The following CFAP20 variants were observed in gnomAD, a reference collection of about 807,000 sequenced individuals.
The protein encoded by CFAP20 is cilia- and flagella-associated protein 20.
In CFAP20, 14 loss-of-function variants were observed where a neutral mutation model predicts 25.5. The ratio of observed to expected loss-of-function variants is 0.55; its 90% CI spans 0.36 to 0.86. The LOEUF is 0.86. CFAP20 is among the 40% of genes least tolerant of loss of function. CFAP20 has a pLI of 0.01. For synonymous variants in CFAP20, 75 were observed against 91.1 expected (o/e 0.82, Z 1.01); for missense variants, 181 against 248.0 (o/e 0.73, Z 1.81).
intron 1 of CFAP20, 51 bp downstream of exon 1, chr16:58,128,981 A>C: frequency 6.6e-7 from 1 of 1,516,714 alleles, no homozygotes; most frequent in Non-Finnish European, 9.1e-7. Flanking sequence ...CCCCCGGACG[A>C]GGAGGGGGTG....
chr16:58,114,563 G>A (rs998733994), intron 5 of CFAP20, among the ~76,000 whole-genome samples: 3 of 151,140 alleles, frequency 2.0e-5, no homozygotes, highest in Non-Finnish European at 2.9e-5. Flanking sequence ...CTGAAGTTCT[G>A]TGAGCCAGTA....
chr16:58,114,583 G>A (rs1960431257), intron 5 of CFAP20, among the ~76,000 whole-genome samples: 1 of 152,006 alleles, frequency 6.6e-6, no homozygotes, highest in Non-Finnish European at 1.5e-5. Context: ...AGTAGGAAGT[G>A]CCTCATCCCC....
intron 1 of CFAP20, among the ~76,000 whole-genome samples, chr16:58,123,371 C>T (rs1342726277): frequency 1.4e-5 from 2 of 147,034 alleles, no homozygotes; most frequent in Non-Finnish European, 3.0e-5. Context: ...CCAAGGCAGG[C>T]GGATCACGAG....
At chr16:58,128,944 T>A (rs1287006481) in intron 1 of CFAP20, 88 bp downstream of exon 1, 2 of 1,296,222 alleles carry the variant, frequency 1.5e-6, no homozygotes, top group Non-Finnish European at 2.1e-6. Context: ...CAGGCCCCAA[T>A]TCGACACAAC....
Position 58,113,888 on chromosome 16 carries a change from A to G in CFAP20, c.*137T>C, listed in dbSNP as rs1488584906. ...CGGCATGTTCACCGGTGTCCATGAC[A>G]AGCAACACCAAGTATAAATAACAGA... is the stretch of plus-strand genomic sequence containing the variant. On this transcript the variant is annotated 3_prime_UTR_variant, in exon 6 of 6. Coordinates refer to ENST00000262498, the MANE Select transcript of CFAP20 (RefSeq NM_013242.3). 9.7e-7 allele frequency: 1 copy of G among 1,028,230 alleles called. No homozygotes were observed. Among genetic ancestry groups the G allele is most frequent in the Non-Finnish European group, 1.5e-6 (1 of 665,298 alleles). The allele number at this position is 1,028,230 out of a possible 1,614,324, so 63.7% of individuals were successfully genotyped here.
chr16:58,121,802 G>A (rs1186495897), intron 1 of CFAP20, among the ~76,000 whole-genome samples: 9 of 151,528 alleles, frequency 5.9e-5, no homozygotes, highest in Non-Finnish European at 1.2e-4. Flanking sequence ...TCAAGCTGAG[G>A]GAAAAAAAAA....
chr16:58,129,186 C>T lies in CFAP20; in HGVS notation c.-71G>A. The T allele has an allele frequency of 2.6e-6, 4 of 1,529,144 alleles. No homozygotes were observed. Among genetic ancestry groups the T allele is most frequent in the African/African-American group, 1.4e-5 (1 of 73,034 alleles). 94.7% of individuals were successfully genotyped at this position (1,529,144 alleles called of 1,614,324 possible). On this transcript the variant is annotated 5_prime_UTR_variant, in exon 1 of 6. Transcript: ENST00000262498. Reference sequence around the variant, plus strand: ...CCCCGGAGTAGATACAGGCACCGAGCGTCGAGGGCACAGCAGCAGGCCGGC... The same window carrying T: ...CCCCGGAGTAGATACAGGCACCGAGTGTCGAGGGCACAGCAGCAGGCCGGC...
At chr16:58,115,991 T>C (rs769451889) in intron 3 of CFAP20, 50 bp downstream of exon 3, 33 of 1,351,000 alleles carry the variant, frequency 2.4e-5, no homozygotes, top group Non-Finnish European at 3.3e-5. Flanking sequence ...GTTCAAAGGC[T>C]ATCACTTTGG....
At chr16:58,125,000 T>TA (rs1298529368) in intron 1 of CFAP20, among the ~76,000 whole-genome samples, 2 of 152,238 alleles carry the variant, frequency 1.3e-5, no homozygotes, top group African/African-American at 2.4e-5. Flanking sequence ...TTATAAACTT[T>TA]AAAAATTTTA....
Position 58,129,039 on chromosome 16 carries a change from T to C in CFAP20, c.77A>G (p.Asp26Gly), listed in dbSNP as rs1262780621. 6.2e-7 allele frequency: 1 copy of C among 1,613,168 alleles called. No homozygotes were observed. Among genetic ancestry groups the C allele is most frequent in the Non-Finnish European group, 8.5e-7 (1 of 1,179,822 alleles). ...SIGSKPLQIW[D>G]KKVRNGHIKR... ...CGCCGCCCCTAGCCCGACCTTTTTG[T>C]CCCAGATTTGCAGAGGCTTGCTGCC... Residue 26 changes from aspartate (D) to glycine (G), a missense_variant, in exon 1 of 6, where the codon GAC becomes GGC. Transcript: ENST00000262498.
chr16:58,125,211 A>G (rs1044914942), intron 1 of CFAP20, among the ~76,000 whole-genome samples: 1 of 152,204 alleles, frequency 6.6e-6, no homozygotes, highest in South Asian at 2.1e-4. Flanking sequence ...CATTAACATC[A>G]ATCACAGTCT....
chr16:58,117,885 G>A (rs970304653), intron 1 of CFAP20, among the ~76,000 whole-genome samples: 3 of 152,164 alleles, frequency 2.0e-5, no homozygotes, highest in African/African-American at 7.2e-5. Flanking sequence ...TTTTAAAGCA[G>A]GAATTCAATT....
chr16:58,116,975 G>A (rs764578076), intron 1 of CFAP20, 24 bp from the exon 2 acceptor site: 13 of 1,602,364 alleles, frequency 8.1e-6, no homozygotes, highest in Non-Finnish European at 1.1e-5. Flanking sequence ...AATTCGATTA[G>A]TACTGAAATA....
intron 1 of CFAP20, among the ~76,000 whole-genome samples, chr16:58,122,710 C>T (rs1228439364): frequency 6.6e-6 from 1 of 152,246 alleles, no homozygotes; most frequent in African/African-American, 2.4e-5. Flanking sequence ...CAAATACACT[C>T]AATTCTACTA....
At chr16:58,118,297 T>C (rs559830817) in intron 1 of CFAP20, among the ~76,000 whole-genome samples, 45 of 151,246 alleles carry the variant, frequency 3.0e-4, no homozygotes, top group African/African-American at 9.7e-4. Flanking sequence ...TTGGGCAACA[T>C]AGTAAGACAT....
At chr16:58,117,762 C>T (rs1355212757) in intron 1 of CFAP20, among the ~76,000 whole-genome samples, 1 of 152,162 alleles carries the variant, frequency 6.6e-6, no homozygotes, top group Non-Finnish European at 1.5e-5. Context: ...GCCAGAAAAG[C>T]CAAAGAAAAG....
chr16:58,114,525 CAA>C (rs57272078), intron 5 of CFAP20, among the ~76,000 whole-genome samples: 2 of 128,950 alleles, frequency 1.6e-5, no homozygotes, highest in Non-Finnish European at 1.7e-5. Context: ...GACTCCATCT[CAA>C]AAAAAAAAAA....
chr16:58,114,877 C>T lies in CFAP20; in HGVS notation c.509G>A (p.Arg170Lys), dbSNP rs1960435950. ...CGGCAGCTCATCTTCTGAGTAGAGTCTGTCTGAGAAGTAAACCCGTCGGAT... is the reference window on the plus strand; with the variant it reads ...CGGCAGCTCATCTTCTGAGTAGAGTTTGTCTGAGAAGTAAACCCGTCGGAT... ...CRIRRVYFSD[R>K]LYSEDELPAE... Residue 170 changes from arginine to lysine, a missense_variant, in exon 5 of 6, where the codon AGA (arginine) becomes AAA (lysine). Coordinates refer to ENST00000262498, the MANE Select transcript of CFAP20 (RefSeq NM_013242.3). The T allele has an allele frequency of 6.2e-7, 1 of 1,614,130 alleles. No homozygotes were observed. Among genetic ancestry groups the T allele is most frequent in the Non-Finnish European group, 8.5e-7 (1 of 1,180,002 alleles).
Position 58,113,931 on chromosome 16 carries a change from T to G in CFAP20, c.*94A>C. The G allele has an allele frequency of 1.4e-6, 2 of 1,410,730 alleles. No individual in the cohort carries two copies. The highest frequency in any genetic ancestry group is 2.0e-6 in the Non-Finnish European group (2 of 995,968). 87.4% of individuals were successfully genotyped at this position (1,410,730 alleles called of 1,614,324 possible). On this transcript the variant is annotated 3_prime_UTR_variant, in exon 6 of 6. Coordinates refer to ENST00000262498, the MANE Select transcript of CFAP20 (RefSeq NM_013242.3). ...ATAACAGAACTACAGCAGAGCAAAC[T>G]AAGATAAATATGTTTTTGCATCGTC...
Sources: allele counts gnomAD v4.1 joint callset (sites outside exome capture counted in the v4.1 genomes callset), GRCh38; gene constraint gnomAD v4.1.1; transcripts MANE v1.5; gene names NCBI Gene and HGNC (gene_info 2026-07-23, HGNC 2026-07-21).